HDAC4: variants seen among roughly 807,000 people sequenced by gnomAD.
HDAC4 encodes histone deacetylase A.
HDAC4 carries 16 observed loss-of-function variants against 135.1 expected under a neutral mutation model. That is an observed-to-expected ratio of 0.12 (90% CI 0.08 to 0.18). The LOEUF is 0.18. Among genes scored for constraint, HDAC4 ranks in the 10% least tolerant of loss-of-function variants. The probability of loss-of-function intolerance (pLI) is 1.00; values close to 1 mark genes in which losing one functional copy is unlikely to be tolerated. For synonymous variants in HDAC4, 685 were observed against 653.4 expected, an observed-to-expected ratio of 1.05 and a Z score of -0.74; for missense variants, 1,143 against 1,511.8, an observed-to-expected ratio of 0.76 and a Z score of 4.05.
chr2:239,160,792 G>A (rs373246355), intron 6 of HDAC4, among the ~76,000 whole-genome samples: 5 of 152,380 alleles, frequency 3.3e-5, no homozygotes, highest in South Asian at 2.1e-4. Context: ...ACGACTCGTC[G>A]TGTTGCTTGC....
chr2:239,144,467 G>A, intron 8 of HDAC4, 116 bp downstream of exon 8: 2 of 1,350,986 alleles, frequency 1.5e-6, no homozygotes, highest in Non-Finnish European at 2.1e-6. Flanking sequence ...CACACTGGGG[G>A]TTGACAGCGT....
chr2:239,067,199 G>C (rs949235070), intron 23 of HDAC4, among the ~76,000 whole-genome samples: 2 of 152,164 alleles, frequency 1.3e-5, no homozygotes, highest in African/African-American at 4.8e-5. Flanking sequence ...GTGGCCCAGC[G>C]GGCTCTGGTT....
intron 2 of HDAC4, among the ~76,000 whole-genome samples, chr2:239,268,990 T>C (rs895406713): frequency 2.0e-5 from 3 of 152,198 alleles, no homozygotes; most frequent in South Asian, 2.1e-4. Flanking sequence ...ATCACTTCCA[T>C]AGCTGAGCTT....
At chr2:239,199,060 T>A (rs1424190593) in intron 3 of HDAC4, among the ~76,000 whole-genome samples, 1 of 152,140 alleles carries the variant, frequency 6.6e-6, no homozygotes, top group Non-Finnish European at 1.5e-5. Context: ...ACATTGTAAT[T>A]AGCTGATGTA....
At chr2:239,296,480 TA>T (rs1409069335) in intron 2 of HDAC4, among the ~76,000 whole-genome samples, 3 of 152,230 alleles carry the variant, frequency 2.0e-5, no homozygotes, top group Non-Finnish European at 4.4e-5. Flanking sequence ...GCTGACACTC[TA>T]ATTCTAAAGG....
intron 7 of HDAC4, chr2:239,154,996 G>C (rs868073304): frequency 2.0e-5 from 3 of 152,510 alleles, no homozygotes; most frequent in Admixed American, 6.5e-5. Context: ...ACTCCAGCAG[G>C]GTCTCCACCA....
At chr2:239,242,167 GAGAA>G (rs1479696603) in intron 2 of HDAC4, among the ~76,000 whole-genome samples, 7 of 139,512 alleles carry the variant, frequency 5.0e-5, no homozygotes, top group African/African-American at 1.3e-4. Context: ...AGAAAGAAAA[GAGAA>G]AGAAAGAGAG....
Position 239,165,007 on chromosome 2 carries a change from G to A in HDAC4, c.491-1084C>T, listed in dbSNP as rs1214578043. On this transcript the variant is annotated intron_variant, in intron 5 of 26. Coordinates refer to ENST00000543185, the MANE Select transcript of HDAC4 (RefSeq NM_001378414.1). ...GGAGGCTGAGGAGGGCAGACTGCCT[G>A]ACCCCAGGGGTTCGAGACCAGCCTG... Among the ~76,000 whole-genome samples, 5 of 152,304 alleles carry A rather than the reference G, an allele frequency of 3.3e-5. No homozygotes were observed. In the East Asian group the frequency reaches 9.6e-4, roughly 29 times the overall value.
intron 24 of HDAC4, among the ~76,000 whole-genome samples, chr2:239,061,218 GGT>G (rs897427863): frequency 1.8e-4 from 27 of 152,116 alleles, no homozygotes; most frequent in African/African-American, 5.6e-4. Context: ...GTGCGTGTGT[GGT>G]GTGTGTGTGC....
intron 6 of HDAC4, chr2:239,162,445 C>T (rs760549375): frequency 1.4e-4 from 59 of 422,964 alleles, no homozygotes; most frequent in Admixed American, 6.8e-4. Context: ...TGCAACCCCA[C>T]GCCCTGCCCC....
At chr2:239,320,216 C>T (rs2053260474) in intron 2 of HDAC4, among the ~76,000 whole-genome samples, 1 of 151,870 alleles carries the variant, frequency 6.6e-6, no homozygotes, top group Non-Finnish European at 1.5e-5. Flanking sequence ...AACCCCGTCT[C>T]TACTTAAAAT....
chr2:239,346,912 C>G lies in HDAC4; in HGVS notation c.22+5766G>C, dbSNP rs542420623. On this transcript the variant is annotated intron_variant, in intron 2 of 26. Coordinates refer to ENST00000543185, the MANE Select transcript of HDAC4 (RefSeq NM_001378414.1). ...ACACACCCTGTCTCTCACACACACA[C>G]CCTGTCTAAAACACACACACACCCT... 2.0e-5 allele frequency among the ~76,000 whole-genome samples: 3 copies of G among 151,290 alleles called. No individual in the cohort carries two copies. The East Asian group carries it at 5.9e-4, about 30-fold the overall frequency.
intron 23 of HDAC4, among the ~76,000 whole-genome samples, chr2:239,067,754 G>A (rs963766912): frequency 1.3e-5 from 2 of 152,210 alleles, no homozygotes; most frequent in Non-Finnish European, 2.9e-5. Context: ...CCCCACGCAA[G>A]GACCTGAGAG....
chr2:239,113,929 C>G (rs543615353), intron 13 of HDAC4, among the ~76,000 whole-genome samples: 2 of 152,120 alleles, frequency 1.3e-5, no homozygotes, highest in Admixed American at 1.3e-4. Context: ...GACAGGCCCC[C>G]CTCTGAACAA....
intron 17 of HDAC4, chr2:239,094,520 T>C (rs549089952): frequency 2.9e-6 from 3 of 1,039,978 alleles, no homozygotes; most frequent in East Asian, 8.6e-5. Flanking sequence ...GCCAGGTCCA[T>C]ATCATCAGCT....
chr2:239,093,091 G>A (rs977437973), intron 17 of HDAC4, among the ~76,000 whole-genome samples: 4 of 152,218 alleles, frequency 2.6e-5, no homozygotes, highest in African/African-American at 9.6e-5. Flanking sequence ...ACTCCGCTGG[G>A]CGAGGCCGAG....
chr2:239,271,737 C>T (rs1004966810), intron 2 of HDAC4, among the ~76,000 whole-genome samples: 4 of 152,244 alleles, frequency 2.6e-5, no homozygotes, highest in Non-Finnish European at 4.4e-5. Flanking sequence ...CCTTCCAAGA[C>T]GTGGCCTCTC....
intron 3 of HDAC4, among the ~76,000 whole-genome samples, chr2:239,231,190 C>T (rs1387132184): frequency 6.6e-6 from 1 of 152,206 alleles, no homozygotes; most frequent in Non-Finnish European, 1.5e-5. Context: ...ACACGTTTCC[C>T]AGGACACAGG....
At chr2:239,096,628 CCTCCCATGGATGCCAGCAT>C (rs1210236449) in intron 16 of HDAC4, among the ~76,000 whole-genome samples, 28 of 79,150 alleles carry the variant, frequency 3.5e-4, no homozygotes, top group South Asian at 5.7e-4. Context: ...GATGCCAGCA[CCTCCCATGGATGCCAGCAT>C]CCCCCACTGA....
Sources: allele counts gnomAD v4.1 joint callset (sites outside exome capture counted in the v4.1 genomes callset), GRCh38; gene constraint gnomAD v4.1.1; transcripts MANE v1.5; gene names NCBI Gene and HGNC (gene_info 2026-07-23, HGNC 2026-07-21).